Variants in IQCH observed in about 807,000 individuals in gnomAD.
The protein encoded by IQCH is IQ motif containing H.
IQCH carries 98 observed loss-of-function variants against 117.0 expected under a neutral mutation model. The observed-to-expected ratio is 0.84, with a 90% confidence interval of 0.71 to 0.99. IQCH has a LOEUF of 0.99. Ranked by LOEUF, IQCH falls within the 50% of genes least tolerant of loss-of-function variation. The pLI is 0.00. For synonymous variants in IQCH, 412 were observed against 448.2 expected (o/e 0.92, Z 1.02); for missense variants, 1,102 against 1,243.8 (o/e 0.89, Z 1.72).
Position 67,416,871 on chromosome 15 carries a change from C to T in IQCH, c.2098-60C>T. 1.4e-6 allele frequency: 2 copies of T among 1,459,954 alleles called. No individual in the cohort carries two copies. The highest frequency in any genetic ancestry group is 1.8e-6 in the Non-Finnish European group (2 of 1,096,400). The allele number at this position is 1,459,954 out of a possible 1,614,324, so 90.4% of individuals were successfully genotyped here. A position where few individuals can be genotyped will look rare whatever the true frequency, so the allele number is the denominator to read the frequency against. On this transcript the variant is annotated intron_variant, in intron 14 of 20. Coordinates refer to ENST00000335894, the MANE Select transcript of IQCH (RefSeq NM_001031715.3). The surrounding 1 kb of genome is among the most constrained non-coding windows in gnomAD (Gnocchi z 5.1). ...GGAGGCCTGGTTTTTAATCACTCCA[C>T]AAGCAGTTTTCATTTCTGTAGTAAA...
Position 67,494,167 on chromosome 15 carries a change from A to G in IQCH, c.2862-91A>G, listed in dbSNP as rs1258085742. Reference sequence around the variant, plus strand: ...AGATTGAAAATACTCATTAAATTCCATCACCAGACAGGCACAAATGAGAGG... The same window carrying G: ...AGATTGAAAATACTCATTAAATTCCGTCACCAGACAGGCACAAATGAGAGG... On this transcript the variant is annotated intron_variant, in intron 19 of 20. Transcript: ENST00000335894. The surrounding 1 kb of genome is among the most constrained non-coding windows in gnomAD (Gnocchi z 5.5). The G allele has an allele frequency of 4.9e-6, 4 of 823,312 alleles. No homozygotes were observed. The highest frequency in any genetic ancestry group is 3.3e-5 in the Admixed American group (1 of 30,678). The allele number at this position is 823,312 out of a possible 1,614,324, so 51.0% of individuals were successfully genotyped here. A position where few individuals can be genotyped will look rare whatever the true frequency, so the allele number is the denominator to read the frequency against.
Position 67,254,881 on chromosome 15 carries a change from G to C in IQCH, c.-16G>C, listed in dbSNP as rs937732358. 1 of 1,612,886 alleles carries C rather than the reference G, an allele frequency of 6.2e-7. No homozygotes were observed. On this transcript the variant is annotated 5_prime_UTR_variant, in exon 1 of 21. Coordinates refer to ENST00000335894, the MANE Select transcript of IQCH (RefSeq NM_001031715.3). ...AAACCGCGCCTCCGCGGAGGTAGCC[G>C]TTCCCTGACCTAGCCATGGCACAGA...
At chr15:67,308,113 G>A (rs944347297) in intron 4 of IQCH, among the ~76,000 whole-genome samples, 1 of 152,124 alleles carries the variant, frequency 6.6e-6, no homozygotes, top group Non-Finnish European at 1.5e-5. Flanking sequence ...AATAAGATGG[G>A]CCTGCATATT....
rs542402292 is a variant in IQCH, at chr15:67,457,981, T to C, written c.2506-7146T>C. 2.0e-4 allele frequency among the ~76,000 whole-genome samples: 31 copies of C among 152,256 alleles called. No homozygotes were observed. The highest frequency in any genetic ancestry group is 6.8e-3 in the Middle Eastern group (2 of 294). ...CCCCTGGGGAAGGCCTCAGGTCCTATAGACCTCACTTCTCACCAATCCAGG... is the reference window on the plus strand; with the variant it reads ...CCCCTGGGGAAGGCCTCAGGTCCTACAGACCTCACTTCTCACCAATCCAGG... On this transcript the variant is annotated intron_variant, in intron 16 of 20. Coordinates refer to ENST00000335894, the MANE Select transcript of IQCH (RefSeq NM_001031715.3). This position sits in a 1 kb window ranked among gnomAD's most constrained non-coding sequence, Gnocchi z 5.7.
At chr15:67,434,448 A>G (rs1268988429) in intron 16 of IQCH, among the ~76,000 whole-genome samples, 5 of 152,232 alleles carry the variant, frequency 3.3e-5, no homozygotes, top group Admixed American at 2.6e-4. Flanking sequence ...TCCAATGTGT[A>G]TATACATGCA....
At chr15:67,429,250 ATG>A (rs2081966400) in intron 16 of IQCH, among the ~76,000 whole-genome samples, 1 of 152,220 alleles carries the variant, frequency 6.6e-6, no homozygotes, top group African/African-American at 2.4e-5. Flanking sequence ...TCAGTGGCTC[ATG>A]TGTATAAACC....
intron 8 of IQCH, among the ~76,000 whole-genome samples, chr15:67,361,393 T>G (rs1970126371): frequency 6.6e-6 from 1 of 152,236 alleles, no homozygotes; most frequent in Non-Finnish European, 1.5e-5. Flanking sequence ...TATCATTCAG[T>G]TAGTCATCCA....
chr15:67,297,149 C>T (rs2140517961), intron 4 of IQCH, among the ~76,000 whole-genome samples: 1 of 152,182 alleles, frequency 6.6e-6, no homozygotes, highest in Middle Eastern at 3.4e-3. Flanking sequence ...ATCCTTCTAG[C>T]CCTAACAGGG....
chr15:67,267,107 A>G (rs1378103334), intron 3 of IQCH, among the ~76,000 whole-genome samples: 1 of 152,240 alleles, frequency 6.6e-6, no homozygotes, highest in Non-Finnish European at 1.5e-5. Flanking sequence ...TTGCCTCCAA[A>G]GCTGCAAGGG....
At chr15:67,498,334 G>C (rs1236558110) in intron 20 of IQCH, among the ~76,000 whole-genome samples, 1 of 152,094 alleles carries the variant, frequency 6.6e-6, no homozygotes, top group Non-Finnish European at 1.5e-5. Flanking sequence ...AGTTAAAATG[G>C]GCCGGGCGCG....
chr15:67,324,224 C>T (rs1295835165), intron 4 of IQCH, among the ~76,000 whole-genome samples: 3 of 151,246 alleles, frequency 2.0e-5, no homozygotes, highest in East Asian at 1.9e-4. Context: ...GGATTACAGG[C>T]GTGAGCTACC....
Position 67,457,679 on chromosome 15 carries a change from A to C in IQCH, c.2506-7448A>C, listed in dbSNP as rs542351952. On this transcript the variant is annotated intron_variant, in intron 16 of 20. Transcript: ENST00000335894. The surrounding 1 kb of genome is among the most constrained non-coding windows in gnomAD (Gnocchi z 5.7). ...ATATCCCTCAGGGATAGATCCCATC[A>C]GGCCTATATTAATAGACAAGGAAAT... Among the ~76,000 whole-genome samples, 186 of 152,314 alleles carry C rather than the reference A, an allele frequency of 1.2e-3. 3 individuals are homozygous for C. In the South Asian group the frequency reaches 0.026, roughly 21 times the overall value.
Position 67,494,892 on chromosome 15 carries a change from C to A in IQCH, c.2970+526C>A, listed in dbSNP as rs1030883268. On this transcript the variant is annotated intron_variant, in intron 20 of 20. Coordinates refer to ENST00000335894, the MANE Select transcript of IQCH (RefSeq NM_001031715.3). This position sits in a 1 kb window ranked among gnomAD's most constrained non-coding sequence, Gnocchi z 5.5. ...GTGGGTTGGATTATTTCACTACTAA[C>A]CTTTAGAAGCCTTCTTATGACCTTT... Among the ~76,000 whole-genome samples the A allele has an allele frequency of 6.6e-6, 1 of 152,164 alleles. No individual in the cohort carries two copies. Among genetic ancestry groups the A allele is most frequent in the African/African-American group, 2.4e-5 (1 of 41,436 alleles).
chr15:67,377,115 C>CAAAAAAAAA (rs5813442), intron 10 of IQCH, among the ~76,000 whole-genome samples: 1 of 82,020 alleles, frequency 1.2e-5, no homozygotes, highest in East Asian at 2.8e-4. Flanking sequence ...GACTCCATCT[C>CAAAAAAAAA]AAAAAAAAAA....
Position 67,426,899 on chromosome 15 carries a change from T to C in IQCH, c.2505+5322T>C, listed in dbSNP as rs2081904966. On this transcript the variant is annotated intron_variant, in intron 16 of 20. Coordinates refer to ENST00000335894, the MANE Select transcript of IQCH (RefSeq NM_001031715.3). This position sits in a 1 kb window ranked among gnomAD's most constrained non-coding sequence, Gnocchi z 5.1. ...TATTTGAGAGGCTGAGGTAGGAGGA[T>C]TGCTTGGGCCCGGGAGGTCAATGCT... Among the ~76,000 whole-genome samples, 1 of 151,868 alleles carries C rather than the reference T, an allele frequency of 6.6e-6. No individual in the cohort carries two copies. Among genetic ancestry groups the C allele is most frequent in the Non-Finnish European group, 1.5e-5 (1 of 67,980 alleles).
chr15:67,418,703 T>C (rs922754779), intron 15 of IQCH, among the ~76,000 whole-genome samples: 5 of 151,080 alleles, frequency 3.3e-5, no homozygotes, highest in African/African-American at 1.2e-4. Context: ...CTCAGCCTCC[T>C]GATAGCTGGG....
At chr15:67,304,287 G>A in intron 4 of IQCH, 1 of 854,942 alleles carries the variant, frequency 1.2e-6, no homozygotes, top group Non-Finnish European at 1.8e-6. Flanking sequence ...TAAAATGTTA[G>A]TAAGCATTTT....
At chr15:67,415,192 G>A (rs2081546652) in intron 14 of IQCH, among the ~76,000 whole-genome samples, 2 of 152,150 alleles carry the variant, frequency 1.3e-5, no homozygotes, top group Admixed American at 6.6e-5. Context: ...AGGGCTTTGG[G>A]GCGATCAGGT....
At position 67,411,705 on chromosome 15, in the gene IQCH, T is replaced by C. The variant is rs1355954672; in HGVS notation, c.2098-5226T>C. On this transcript the variant is annotated intron_variant, in intron 14 of 20. Coordinates refer to ENST00000335894, the MANE Select transcript of IQCH (RefSeq NM_001031715.3). This position sits in a 1 kb window ranked among gnomAD's most constrained non-coding sequence, Gnocchi z 4.4. ...TTTACTTGGTTGGGGAAGCTAACTCTGTAGAGTTTGAAGTAGCTTTAGTCA... is the reference window on the plus strand; with the variant it reads ...TTTACTTGGTTGGGGAAGCTAACTCCGTAGAGTTTGAAGTAGCTTTAGTCA... 6.6e-6 allele frequency among the ~76,000 whole-genome samples: 1 copy of C among 152,194 alleles called. No homozygotes were observed. Among genetic ancestry groups the C allele is most frequent in the African/African-American group, 2.4e-5 (1 of 41,450 alleles).
Sources: allele counts gnomAD v4.1 joint callset (sites outside exome capture counted in the v4.1 genomes callset), GRCh38; gene constraint gnomAD v4.1.1; non-coding constraint Gnocchi (gnomAD v3.1); transcripts MANE v1.5; gene names NCBI Gene and HGNC (gene_info 2026-07-23, HGNC 2026-07-21).